CNTN4: variants seen among roughly 807,000 people sequenced by gnomAD.
CNTN4 encodes the protein contactin-4.
CNTN4 carries 77 observed loss-of-function variants against 122.5 expected under a neutral mutation model. The observed-to-expected ratio is 0.63, with a 90% CI of 0.52 to 0.76. CNTN4 has a LOEUF of 0.76. Among genes scored for constraint, CNTN4 ranks in the 30% least tolerant of loss-of-function variants. The probability of loss-of-function intolerance (pLI) is 0.00; values close to 1 mark genes in which losing one functional copy is unlikely to be tolerated. For missense variants in CNTN4, 1,256 were observed against 1,259.1 expected (o/e 1.00, Z 0.04); for synonymous variants, 512 against 447.0 (o/e 1.15, Z -1.83).
intron 4 of CNTN4, among the ~76,000 whole-genome samples, chr3:2,730,311 A>G (rs2088588074): frequency 6.6e-6 from 1 of 152,232 alleles, no homozygotes; most frequent in Admixed American, 6.5e-5. Context: ...ACTTTGAATC[A>G]TCTAGCACAG....
intron 3 of CNTN4, among the ~76,000 whole-genome samples, chr3:2,523,253 T>C (rs148467414): frequency 1.2e-3 from 180 of 151,804 alleles, no homozygotes; most frequent in African/African-American, 4.3e-3. Context: ...GCTTTTCTAA[T>C]ATATGCATTC....
chr3:2,834,210 G>A (rs2093165953), intron 7 of CNTN4, among the ~76,000 whole-genome samples: 1 of 151,956 alleles, frequency 6.6e-6, no homozygotes, highest in South Asian at 2.1e-4. Flanking sequence ...AATAAAGAAA[G>A]CATAGATGTA....
At chr3:2,833,829 C>T (rs1395447138) in intron 7 of CNTN4, among the ~76,000 whole-genome samples, 1 of 152,100 alleles carries the variant, frequency 6.6e-6, no homozygotes, top group African/African-American at 2.4e-5. Flanking sequence ...TTGTGTATGA[C>T]ACATAAATTT....
chr3:2,906,486 A>C (rs1471843615), intron 12 of CNTN4, among the ~76,000 whole-genome samples: 1 of 152,204 alleles, frequency 6.6e-6, no homozygotes, highest in Non-Finnish European at 1.5e-5. Flanking sequence ...AATAATAAAA[A>C]AAATAAAAAT....
chr3:2,795,735 T>C (rs528907342), intron 6 of CNTN4, among the ~76,000 whole-genome samples: 1 of 152,130 alleles, frequency 6.6e-6, no homozygotes, highest in East Asian at 1.9e-4. Flanking sequence ...TTAGCTAGAA[T>C]GGTCTCGATC....
At chr3:2,910,237 C>A (rs1401240177) in intron 12 of CNTN4, among the ~76,000 whole-genome samples, 1 of 152,158 alleles carries the variant, frequency 6.6e-6, no homozygotes. Flanking sequence ...TTATGATCAT[C>A]CCTTACATCA....
At chr3:2,808,344 T>C (rs2092518930) in intron 6 of CNTN4, among the ~76,000 whole-genome samples, 1 of 152,180 alleles carries the variant, frequency 6.6e-6, no homozygotes, top group African/African-American at 2.4e-5. Flanking sequence ...TACTTGAATG[T>C]ATCTGATTTG....
chr3:2,944,432 T>C (rs1192884278), intron 13 of CNTN4, among the ~76,000 whole-genome samples: 3 of 152,178 alleles, frequency 2.0e-5, no homozygotes, highest in Admixed American at 2.0e-4. Flanking sequence ...ATTTTCTTTC[T>C]GATAATCATG....
chr3:2,682,757 G>C (rs2085229328), intron 4 of CNTN4, among the ~76,000 whole-genome samples: 1 of 152,100 alleles, frequency 6.6e-6, no homozygotes, highest in South Asian at 2.1e-4. Flanking sequence ...ATTGCACCCT[G>C]TATCATATCA....
chr3:2,809,665 A>T (rs2150128990), intron 6 of CNTN4, among the ~76,000 whole-genome samples: 1 of 152,294 alleles, frequency 6.6e-6, no homozygotes, highest in East Asian at 1.9e-4. Context: ...GAGAAAAGAG[A>T]TGAGCTCCCG....
In CNTN4 at chr3:2,625,689, A is replaced by G. The variant is rs1275572729; in HGVS notation, c.55+54131A>G. Among the ~76,000 whole-genome samples the G allele has an allele frequency of 1.4e-4, 21 of 152,098 alleles. 1 individual carries two copies. Among genetic ancestry groups the G allele is most frequent in the Admixed American group, 1.4e-3 (21 of 15,256 alleles). ...CTGTTTATCTTATTTTCACTTTTCC[A>G]TCATTATTTGTGAATTGGTATTCTA... On this transcript the variant is annotated intron_variant, in intron 4 of 24. Coordinates refer to ENST00000418658, the MANE Select transcript of CNTN4 (RefSeq NM_175607.3).
At chr3:2,939,315 G>A (rs1195337536) in intron 13 of CNTN4, among the ~76,000 whole-genome samples, 1 of 152,128 alleles carries the variant, frequency 6.6e-6, no homozygotes, top group South Asian at 2.1e-4. Context: ...GTTGCCTGAT[G>A]AGAAATCCAG....
chr3:2,929,101 C>A (rs528847108), intron 13 of CNTN4, among the ~76,000 whole-genome samples: 1 of 152,242 alleles, frequency 6.6e-6, no homozygotes, highest in East Asian at 1.9e-4. Flanking sequence ...AGCAGAATAT[C>A]CATAAACATA....
intron 2 of CNTN4, among the ~76,000 whole-genome samples, chr3:2,121,751 A>G (rs1464558585): frequency 6.6e-6 from 1 of 152,198 alleles, no homozygotes; most frequent in African/African-American, 2.4e-5. Context: ...TTTGAAAGAA[A>G]AAATGTCTCC....
At chr3:2,418,333 C>T (rs1050697194) in intron 3 of CNTN4, among the ~76,000 whole-genome samples, 1 of 152,028 alleles carries the variant, frequency 6.6e-6, no homozygotes, top group Non-Finnish European at 1.5e-5. Context: ...AAAATCACCA[C>T]AGAGGCAAAA....
At chr3:2,780,239 A>G (rs1370996623) in intron 6 of CNTN4, among the ~76,000 whole-genome samples, 1 of 152,206 alleles carries the variant, frequency 6.6e-6, no homozygotes, top group Non-Finnish European at 1.5e-5. Context: ...AGTAAGCACC[A>G]CAGTTTTTAT....
intron 6 of CNTN4, among the ~76,000 whole-genome samples, chr3:2,794,498 T>G (rs148436834): frequency 6.1e-4 from 93 of 152,302 alleles, no homozygotes; most frequent in African/African-American, 2.2e-3. Context: ...AGAACAAACT[T>G]TGCAAAAACT....
At chr3:2,382,201 G>C (rs1311394722) in intron 3 of CNTN4, among the ~76,000 whole-genome samples, 2 of 137,184 alleles carry the variant, frequency 1.5e-5, no homozygotes, top group African/African-American at 2.7e-5. Context: ...ATGGAGTCTT[G>C]CTCTGTCACC....
intron 2 of CNTN4, among the ~76,000 whole-genome samples, chr3:2,214,717 A>G (rs1359071661): frequency 2.0e-5 from 3 of 152,176 alleles, no homozygotes; most frequent in Non-Finnish European, 4.4e-5. Context: ...AGTGAAAACC[A>G]TCAAACCCTT....
Sources: allele counts gnomAD v4.1 joint callset (sites outside exome capture counted in the v4.1 genomes callset), GRCh38; gene constraint gnomAD v4.1.1; transcripts MANE v1.5; gene names NCBI Gene and HGNC (gene_info 2026-07-23, HGNC 2026-07-21).